HIBADH: variants seen among roughly 807,000 people sequenced by gnomAD.
The protein encoded by HIBADH is 3-hydroxyisobutyrate dehydrogenase, mitochondrial.
In HIBADH, 25 loss-of-function variants were observed where a neutral mutation model predicts 36.1. The observed-to-expected ratio is 0.69, with a 90% CI of 0.50 to 0.97. HIBADH has a LOEUF of 0.97. Among genes scored for constraint, HIBADH ranks in the 50% least tolerant of loss-of-function variants. The pLI is 0.00. For synonymous variants in HIBADH, 160 were observed against 149.5 expected, an observed-to-expected ratio of 1.07 and a Z score of -0.51; for missense variants, 421 against 418.0, an observed-to-expected ratio of 1.01 and a Z score of -0.06.
At chr7:27,619,172 C>T (rs1392265637) in intron 4 of HIBADH, among the ~76,000 whole-genome samples, 1 of 152,180 alleles carries the variant, frequency 6.6e-6, no homozygotes, top group Non-Finnish European at 1.5e-5. Flanking sequence ...CACCCTAACC[C>T]TCCAAGGAAA....
intron 2 of HIBADH, among the ~76,000 whole-genome samples, chr7:27,636,827 G>GT (rs1244890778): frequency 6.6e-6 from 1 of 152,198 alleles, no homozygotes; most frequent in Non-Finnish European, 1.5e-5. Flanking sequence ...CAAAATAAAG[G>GT]TGGGTCAGAA....
intron 4 of HIBADH, among the ~76,000 whole-genome samples, chr7:27,581,987 A>G (rs191119065): frequency 1.3e-5 from 2 of 152,290 alleles, no homozygotes; most frequent in African/African-American, 4.8e-5. Flanking sequence ...AGAAGATAAA[A>G]TAAGAGATGC....
intron 6 of HIBADH, among the ~76,000 whole-genome samples, chr7:27,534,720 T>C (rs549122676): frequency 4.6e-5 from 7 of 152,124 alleles, no homozygotes; most frequent in Admixed American, 3.9e-4. Context: ...CAAATAAATA[T>C]GTAATGCCAG....
chr7:27,546,984 T>C (rs1012519766), intron 4 of HIBADH, among the ~76,000 whole-genome samples: 1 of 152,194 alleles, frequency 6.6e-6, no homozygotes, highest in African/African-American at 2.4e-5. Flanking sequence ...CCTCTTAAAA[T>C]ATAAATCTAG....
chr7:27,662,193 C>T (rs549543392), intron 1 of HIBADH, among the ~76,000 whole-genome samples: 31 of 152,272 alleles, frequency 2.0e-4, no homozygotes, highest in African/African-American at 7.2e-4. Context: ...TACTGCCTGG[C>T]TTGTACAGCC....
chr7:27,605,177 GA>G (rs887889088), intron 4 of HIBADH, among the ~76,000 whole-genome samples: 12 of 151,774 alleles, frequency 7.9e-5, no homozygotes, highest in South Asian at 2.1e-4. Context: ...GTATTTTAAT[GA>G]AAAAAATCAC....
intron 4 of HIBADH, among the ~76,000 whole-genome samples, chr7:27,549,287 A>G (rs1784280522): frequency 6.6e-6 from 1 of 152,192 alleles, no homozygotes; most frequent in Non-Finnish European, 1.5e-5. Context: ...TTATCACAAA[A>G]ATAGTATGTG....
chr7:27,637,677 T>C (rs1383802943), intron 2 of HIBADH, among the ~76,000 whole-genome samples: 2 of 152,184 alleles, frequency 1.3e-5, no homozygotes, highest in African/African-American at 4.8e-5. Flanking sequence ...CATGACGCTG[T>C]ATCTAGAAAA....
chr7:27,589,455 T>C (rs1435849348), intron 4 of HIBADH, among the ~76,000 whole-genome samples: 1 of 152,146 alleles, frequency 6.6e-6, no homozygotes, highest in Non-Finnish European at 1.5e-5. Context: ...TTAATAACAA[T>C]AGGAGTAATT....
At chr7:27,550,142 C>T (rs943525171) in intron 4 of HIBADH, among the ~76,000 whole-genome samples, 1 of 152,124 alleles carries the variant, frequency 6.6e-6, no homozygotes, top group Admixed American at 6.6e-5. Context: ...ATCTCTTTGC[C>T]TCATGATCCT....
intron 4 of HIBADH, among the ~76,000 whole-genome samples, chr7:27,582,634 T>G (rs1324876839): frequency 6.6e-6 from 1 of 152,178 alleles, no homozygotes; most frequent in African/African-American, 2.4e-5. Flanking sequence ...TGCTGTGGAA[T>G]GAATCTTTAT....
At chr7:27,589,284 T>C (rs1330025964) in intron 4 of HIBADH, among the ~76,000 whole-genome samples, 1 of 152,230 alleles carries the variant, frequency 6.6e-6, no homozygotes, top group Admixed American at 6.5e-5. Context: ...AATTTTTTTG[T>C]TTTAATTTTT....
At chr7:27,632,991 A>G (rs1049179066) in intron 2 of HIBADH, among the ~76,000 whole-genome samples, 1 of 152,188 alleles carries the variant, frequency 6.6e-6, no homozygotes, top group African/African-American at 2.4e-5. Flanking sequence ...TCAGAAAAGA[A>G]AAGGTCAGGA....
chr7:27,655,649 TG>T (rs1786285243), intron 1 of HIBADH, among the ~76,000 whole-genome samples: 1 of 152,194 alleles, frequency 6.6e-6, no homozygotes, highest in Non-Finnish European at 1.5e-5. Flanking sequence ...AGAGCTACTT[TG>T]TTTTATATGT....
chr7:27,662,624 C>A (rs1488705989), intron 1 of HIBADH, 74 bp downstream of exon 1: 12 of 988,980 alleles, frequency 1.2e-5, no homozygotes, highest in Non-Finnish European at 1.5e-5. Flanking sequence ...CGAGAAAAGA[C>A]TTCTTCGGCC....
chr7:27,633,124 C>T (rs1785777794), intron 2 of HIBADH, among the ~76,000 whole-genome samples: 1 of 152,100 alleles, frequency 6.6e-6, no homozygotes, highest in Non-Finnish European at 1.5e-5. Flanking sequence ...CATCAGGGCA[C>T]TCTCTCAACC....
chr7:27,592,911 A>C (rs1353396245), intron 4 of HIBADH, among the ~76,000 whole-genome samples: 2 of 152,130 alleles, frequency 1.3e-5, no homozygotes, highest in Non-Finnish European at 2.9e-5. Context: ...GCCTCATCCA[A>C]CACCATACTT....
At chr7:27,582,258 C>G (rs1784804154) in intron 4 of HIBADH, among the ~76,000 whole-genome samples, 1 of 152,088 alleles carries the variant, frequency 6.6e-6, no homozygotes, top group South Asian at 2.1e-4. Context: ...CAAAACTTTA[C>G]CTGAACTGAT....
At chr7:27,538,794 G>A (rs1000928112) in intron 5 of HIBADH, among the ~76,000 whole-genome samples, 1 of 152,082 alleles carries the variant, frequency 6.6e-6, no homozygotes, top group African/African-American at 2.4e-5. Flanking sequence ...TTGTAAGGTA[G>A]AGGCTATAAG....
Sources: gnomAD v4.1 joint callset for allele counts (sites outside exome capture counted in the v4.1 genomes callset) on GRCh38, gnomAD v4.1.1 for gene constraint, MANE v1.5 for transcripts, NCBI Gene and HGNC (gene_info 2026-07-23, HGNC 2026-07-21) for gene names.